The following SMCHD1 variants were observed in gnomAD, a reference collection of about 807,000 sequenced individuals.
SMCHD1 encodes structural maintenance of chromosomes flexible hinge domain-containing protein 1.
SMCHD1 carries 78 observed loss-of-function variants against 254.7 expected under a neutral mutation model. That is an observed-to-expected ratio of 0.31 (90% CI 0.26 to 0.37). SMCHD1 has a LOEUF of 0.37. SMCHD1 is among the 10% of genes least tolerant of loss of function. The pLI, the probability that SMCHD1 is intolerant of heterozygous loss-of-function variation, is 1.00. For synonymous variants in SMCHD1, 766 were observed against 794.9 expected (o/e 0.96, Z 0.61); for missense variants, 1,840 against 2,408.1 (o/e 0.76, Z 4.94).
At chr18:2,719,125 C>G (rs1220676872) in intron 19 of SMCHD1, among the ~76,000 whole-genome samples, 2 of 151,166 alleles carry the variant, frequency 1.3e-5, no homozygotes, top group African/African-American at 2.4e-5. Context: ...CCTCGTATAC[C>G]CTTTCAGTCT....
chr18:2,781,368 G>A (rs1392428743), intron 44 of SMCHD1, among the ~76,000 whole-genome samples: 1 of 152,194 alleles, frequency 6.6e-6, no homozygotes, highest in African/African-American at 2.4e-5. Flanking sequence ...ATACTACTTG[G>A]ATGTTCTGAA....
rs1598317669 is a variant in SMCHD1 at position 2,688,718 on chromosome 18, A to G, written c.844A>G (p.Ile282Val). Residue 282 changes from isoleucine (I) to valine (V), a missense_variant, in exon 7 of 48, where the codon ATA (isoleucine) becomes GTA (valine). By Grantham distance (29) the Ile-to-Val change is conservative (BLOSUM62 3). This residue lies in a region of SMCHD1 where 498 missense variants were observed against 743.5 expected (regional missense o/e 0.67). Transcript: ENST00000320876. Reference protein sequence around the residue: ...FEKKEKNKEAIYSGYIRNRKP... With the variant: ...FEKKEKNKEAVYSGYIRNRKP... The stretch of plus-strand genomic sequence containing the variant: ...GAAGAAGGAGAAAAATAAAGAGGCA[A>G]TATATAGTGGATATATTAGAAACAG... 3 of 1,443,004 alleles carry G rather than the reference A, an allele frequency of 2.1e-6. No individual in the cohort carries two copies. The highest frequency in any genetic ancestry group is 2.9e-6 in the Non-Finnish European group (3 of 1,049,578). 89.4% of individuals were successfully genotyped at this position (1,443,004 alleles called of 1,614,324 possible).
Position 2,796,119 on chromosome 18 carries a change from CT to C in SMCHD1, c.5878+17del, listed in dbSNP as rs995647900. ...AGAGGAAAAACTAGGTAAGTCTTTG[CT>C]TTTTGTTAACTTCTACTTTCTTTAT... On this transcript the variant is annotated intron_variant, in intron 46 of 47. Transcript: ENST00000320876. The C allele has an allele frequency of 6.6e-6, 10 of 1,517,164 alleles. No homozygotes were observed. The highest frequency in any genetic ancestry group is 8.8e-6 in the Non-Finnish European group (10 of 1,135,260). 94.0% of individuals were successfully genotyped at this position (1,517,164 alleles called of 1,614,324 possible).
At chr18:2,721,960 A>C (rs575564722) in intron 19 of SMCHD1, among the ~76,000 whole-genome samples, 1 of 152,296 alleles carries the variant, frequency 6.6e-6, no homozygotes, top group Admixed American at 6.5e-5. Flanking sequence ...CATTTCTAAT[A>C]AGTTCTCAGG....
intron 1 of SMCHD1, among the ~76,000 whole-genome samples, chr18:2,661,546 G>A (rs1346055442): frequency 1.4e-5 from 2 of 143,920 alleles, no homozygotes; most frequent in Non-Finnish European, 2.9e-5. Flanking sequence ...AAACATCTGT[G>A]GGTTTTTAAT....
intron 17 of SMCHD1, among the ~76,000 whole-genome samples, chr18:2,708,867 C>CATAT (rs763226355): frequency 4.7e-3 from 39 of 8,278 alleles, no homozygotes; most frequent in African/African-American, 0.012. Flanking sequence ...TCAATAACTT[C>CATAT]ATATATATAT....
At chr18:2,665,818 G>A (rs916355095) in intron 1 of SMCHD1, among the ~76,000 whole-genome samples, 3 of 152,040 alleles carry the variant, frequency 2.0e-5, no homozygotes, top group Admixed American at 1.3e-4. Flanking sequence ...CAAATAAGTT[G>A]ATAACTTGTA....
At chr18:2,662,198 AATAAAGAAAGAAAG>A (rs2073298045) in intron 1 of SMCHD1, among the ~76,000 whole-genome samples, 5 of 115,136 alleles carry the variant, frequency 4.3e-5, no homozygotes, top group African/African-American at 1.4e-4. Flanking sequence ...TAAATAAATA[AATAAAGAAAGAAAG>A]AAAGAAAGAA....
intron 17 of SMCHD1, among the ~76,000 whole-genome samples, chr18:2,710,649 G>C (rs2074645550): frequency 6.6e-6 from 1 of 152,088 alleles, no homozygotes; most frequent in African/African-American, 2.4e-5. Context: ...TTCCAAAGTG[G>C]ATGCCTTTTA....
chr18:2,777,069 C>A (rs60665346), intron 42 of SMCHD1, among the ~76,000 whole-genome samples: 1 of 148,556 alleles, frequency 6.7e-6, no homozygotes, highest in African/African-American at 2.5e-5. Context: ...ACCTCCCCCC[C>A]CCATACCCTA....
chr18:2,802,402 A>T, intron 47 of SMCHD1, 126 bp from the exon 48 acceptor site: 1 of 698,808 alleles, frequency 1.4e-6, no homozygotes, highest in East Asian at 2.8e-5. Context: ...AAATCTGTTT[A>T]TACCAAGAAT....
At chr18:2,749,972 T>C in intron 30 of SMCHD1, 71 bp from the exon 31 acceptor site, 1 of 1,311,576 alleles carries the variant, frequency 7.6e-7, no homozygotes, top group Non-Finnish European at 1.1e-6. Context: ...AAGAACATTG[T>C]AATGGAAGAA....
chr18:2,657,928 G>A (rs531813916), intron 1 of SMCHD1, among the ~76,000 whole-genome samples: 125 of 151,638 alleles, frequency 8.2e-4, no homozygotes, highest in African/African-American at 2.8e-3. Context: ...GACTACAGGT[G>A]AGCGCCACCA....
chr18:2,681,838 C>T (rs756276019), intron 5 of SMCHD1, among the ~76,000 whole-genome samples: 23 of 152,150 alleles, frequency 1.5e-4, no homozygotes, highest in Non-Finnish European at 3.1e-4. Context: ...AGGCTCTCAA[C>T]TCAGAGCCAT....
At chr18:2,661,894 C>A (rs1052786279) in intron 1 of SMCHD1, among the ~76,000 whole-genome samples, 8 of 151,846 alleles carry the variant, frequency 5.3e-5, no homozygotes, top group Admixed American at 3.9e-4. Flanking sequence ...CGGTGGCTCA[C>A]GCCTGTAATC....
rs564720924 is a variant in SMCHD1 at position 2,751,478 on chromosome 18, A to G, written c.4281+85A>G. ...AAGTCTCCTTTAATGTAAATATATA[A>G]TGTTATATAAATTTGAGAAATGGAA... On this transcript the variant is annotated intron_variant, in intron 33 of 47. Transcript: ENST00000320876. The G allele has an allele frequency of 6.1e-4, 414 of 677,954 alleles. 8 individuals carry two copies. The South Asian group carries it at 7.4e-3, about 12-fold the overall frequency. The allele number at this position is 677,954 out of a possible 1,614,324, so 42.0% of individuals were successfully genotyped here. A position where few individuals can be genotyped will look rare whatever the true frequency, so the allele number is the denominator to read the frequency against.
intron 5 of SMCHD1, among the ~76,000 whole-genome samples, chr18:2,678,722 G>A (rs549692835): frequency 6.6e-6 from 1 of 152,138 alleles, no homozygotes; most frequent in Non-Finnish European, 1.5e-5. Context: ...TTAGCCCAAA[G>A]GACTCTCTCT....
intron 21 of SMCHD1, 105 bp from the exon 22 acceptor site, chr18:2,726,347 C>A (rs2075026816): frequency 3.6e-6 from 2 of 561,332 alleles, no homozygotes; most frequent in East Asian, 7.4e-5. Flanking sequence ...GTAATTTCTA[C>A]AATGGTATGA....
intron 12 of SMCHD1, chr18:2,701,191 C>A (rs912981089): frequency 4.9e-5 from 10 of 203,708 alleles, no homozygotes; most frequent in African/African-American, 2.4e-4. Context: ...ACAGGAGTTT[C>A]ACTCTGTTTC....
Sources: gnomAD v4.1 joint callset for allele counts (sites outside exome capture counted in the v4.1 genomes callset) on GRCh38, gnomAD v4.1.1 for gene constraint, gnomAD v4.1.1 regional missense constraint, MANE v1.5 for transcripts, NCBI Gene and HGNC (gene_info 2026-07-23, HGNC 2026-07-21) for gene names.